PDGFRA: variants seen among roughly 807,000 people sequenced by gnomAD.
The protein encoded by PDGFRA is platelet derived growth factor receptor alpha.
A neutral mutation model predicts 121.5 loss-of-function variants in PDGFRA; 25 were observed. That is an observed-to-expected ratio of 0.21 (90% confidence interval 0.15 to 0.29). PDGFRA has a LOEUF of 0.29. PDGFRA is among the 10% of genes least tolerant of loss of function. PDGFRA has a pLI of 1.00. For missense variants in PDGFRA, 1,008 were observed against 1,345.1 expected (o/e 0.75, Z 3.92); for synonymous variants, 463 against 494.8 (o/e 0.94, Z 0.85).
chr4:54,280,300 C>G lies in PDGFRA; in HGVS notation c.2157-16C>G, dbSNP rs377046737. The G allele has an allele frequency of 6.2e-7, 1 of 1,611,950 alleles. No homozygotes were observed. Among genetic ancestry groups the G allele is most frequent in the Non-Finnish European group, 8.5e-7 (1 of 1,178,256 alleles). ...GAAGGGCACCCTGGGTAAGATTTCT[C>G]TTTCTGTTTTTACAGCTATGTTATT... On this transcript the variant is annotated splice_polypyrimidine_tract_variant and intron_variant, in intron 15 of 22. Coordinates refer to ENST00000257290, the MANE Select transcript of PDGFRA (RefSeq NM_006206.6).
chr4:54,285,987 G>C (rs2110338569), intron 18 of PDGFRA, 24 bp downstream of exon 18: 1 of 1,611,878 alleles, frequency 6.2e-7, no homozygotes, highest in African/African-American at 1.3e-5. Context: ...TCCCTCACTG[G>C]TCAGGCTCAT....
chr4:54,284,564 C>CAGAGAGAGAGAGAGAGAG (rs59292448), intron 16 of PDGFRA, among the ~76,000 whole-genome samples: 32 of 55,946 alleles, frequency 5.7e-4, no homozygotes, highest in African/African-American at 1.3e-3. Flanking sequence ...GAGAGAGAGA[C>CAGAGAGAGAGAGAGAGAG]AGAGAGAGAG....
intron 1 of PDGFRA, among the ~76,000 whole-genome samples, chr4:54,233,410 G>T (rs1720813483): frequency 1.3e-5 from 2 of 152,360 alleles, no homozygotes; most frequent in East Asian, 3.9e-4. Flanking sequence ...GGGACCAGGA[G>T]CCTGGGCTGC....
chr4:54,249,487 A>T (rs965529239), intron 1 of PDGFRA, among the ~76,000 whole-genome samples: 78 of 152,336 alleles, frequency 5.1e-4, no homozygotes, highest in Admixed American at 4.7e-3. Flanking sequence ...CTTTGTAGGG[A>T]CATGGATGAA....
chr4:54,261,507 A>G, intron 3 of PDGFRA, 95 bp downstream of exon 3: 1 of 727,546 alleles, frequency 1.4e-6, no homozygotes, highest in Non-Finnish European at 2.2e-6. Context: ...AATAATTAAT[A>G]TTTATTGCGG....
At chr4:54,258,950 C>A in intron 2 of PDGFRA, 133 bp downstream of exon 2, 2 of 779,642 alleles carry the variant, frequency 2.6e-6, no homozygotes, top group Non-Finnish European at 4.5e-6. Context: ...AACTATAGGA[C>A]GTTATCCAGA....
intron 22 of PDGFRA, among the ~76,000 whole-genome samples, chr4:54,290,981 A>T (rs906132945): frequency 6.6e-6 from 1 of 152,184 alleles, no homozygotes; most frequent in African/African-American, 2.4e-5. Context: ...TCACCTGCAG[A>T]GATTTAAAAA....
At chr4:54,281,791 G>T in intron 16 of PDGFRA, 1 of 1,311,366 alleles carries the variant, frequency 7.6e-7, no homozygotes, top group Non-Finnish European at 9.9e-7. Context: ...AAAACCCTGG[G>T]ACCCTTCCAG....
intron 18 of PDGFRA, among the ~76,000 whole-genome samples, chr4:54,287,033 T>C (rs1724396275): frequency 6.6e-6 from 1 of 152,192 alleles, no homozygotes; most frequent in Non-Finnish European, 1.5e-5. Context: ...GTGTGATTCA[T>C]GTACTCATGT....
At chr4:54,265,802 G>A (rs1722998291) in intron 5 of PDGFRA, among the ~76,000 whole-genome samples, 1 of 152,118 alleles carries the variant, frequency 6.6e-6, no homozygotes, top group East Asian at 1.9e-4. Context: ...CCAAATGCAG[G>A]AATGACTAAT....
intron 5 of PDGFRA, among the ~76,000 whole-genome samples, chr4:54,266,138 TAACACATA>T (rs1723015799): frequency 6.6e-6 from 1 of 152,222 alleles, no homozygotes; most frequent in South Asian, 2.1e-4. Flanking sequence ...CTTTAATCCT[TAACACATA>T]AACACTGCTT....
At chr4:54,238,236 G>C (rs1271031625) in intron 1 of PDGFRA, among the ~76,000 whole-genome samples, 2 of 152,114 alleles carry the variant, frequency 1.3e-5, no homozygotes, top group African/African-American at 4.8e-5. Flanking sequence ...TTTCTGCAAA[G>C]TAGGCCACCT....
Position 54,274,827 on chromosome 4 carries a change from C to A in PDGFRA, c.1654-14C>A, listed in dbSNP as rs2110298998. The A allele has an allele frequency of 6.2e-7, 1 of 1,614,012 alleles. No individual in the cohort carries two copies. The highest frequency in any genetic ancestry group is 8.5e-7 in the Non-Finnish European group (1 of 1,179,920). ...TTTGGTAATTCACCAGTTACCTGTC[C>A]TGGTCATTTATAGAAACCGAGGTAT... On this transcript the variant is annotated splice_polypyrimidine_tract_variant and intron_variant, in intron 11 of 22. Coordinates refer to ENST00000257290, the MANE Select transcript of PDGFRA (RefSeq NM_006206.6).
chr4:54,245,322 G>T (rs1721576317), intron 1 of PDGFRA, among the ~76,000 whole-genome samples: 1 of 152,222 alleles, frequency 6.6e-6, no homozygotes, highest in Non-Finnish European at 1.5e-5. Context: ...AGTAAGGTCA[G>T]GTTACCCACA....
At chr4:54,281,632 A>G (rs1708257978) in intron 16 of PDGFRA, 2 of 1,359,310 alleles carry the variant, frequency 1.5e-6, no homozygotes, top group Admixed American at 2.2e-5. Flanking sequence ...AGTCATGCTC[A>G]GGCCCAAGCC....
intron 1 of PDGFRA, among the ~76,000 whole-genome samples, chr4:54,245,612 C>A (rs1233528465): frequency 2.0e-5 from 3 of 152,156 alleles, no homozygotes; most frequent in South Asian, 2.1e-4. Flanking sequence ...CAAAATCATG[C>A]CAAATTGTAA....
chr4:54,230,168 G>T (rs1246250680), intron 1 of PDGFRA, among the ~76,000 whole-genome samples: 1 of 152,068 alleles, frequency 6.6e-6, no homozygotes, highest in Admixed American at 6.5e-5. Context: ...GCGCGCGGGC[G>T]TGGGCAAGGG....
At chr4:54,255,260 C>A (rs1409438456) in intron 1 of PDGFRA, among the ~76,000 whole-genome samples, 1 of 152,134 alleles carries the variant, frequency 6.6e-6, no homozygotes, top group Non-Finnish European at 1.5e-5. Context: ...TTTGTTCTAT[C>A]TACTCCACCT....
chr4:54,284,830 C>T (rs1438772172), intron 16 of PDGFRA, among the ~76,000 whole-genome samples: 7 of 150,860 alleles, frequency 4.6e-5, no homozygotes, highest in Admixed American at 4.6e-4. Flanking sequence ...AATTTTTAAA[C>T]CAGATATATG....
Sources: allele counts gnomAD v4.1 joint callset (sites outside exome capture counted in the v4.1 genomes callset), GRCh38; gene constraint gnomAD v4.1.1; transcripts MANE v1.5; gene names NCBI Gene and HGNC (gene_info 2026-07-23, HGNC 2026-07-21).